TASOR2: variants seen among roughly 807,000 people sequenced by gnomAD.
TASOR2 encodes protein TASOR 2.
TASOR2 carries 84 observed loss-of-function variants against 199.5 expected under a neutral mutation model. The observed-to-expected ratio is 0.42, with a 90% confidence interval of 0.35 to 0.50. The LOEUF is 0.50. TASOR2 is among the 20% of genes least tolerant of loss of function. The pLI is 0.02. For missense variants in TASOR2, 2,796 were observed against 2,835.9 expected (o/e 0.99, Z 0.32); for synonymous variants, 1,103 against 1,046.6 (o/e 1.05, Z -1.04).
In TASOR2 at chr10:5,748,702, G is replaced by A; in HGVS notation, c.5281G>A (p.Ala1761Thr). ...TTGTGCTGGTCCCTACCAAAATACA[G>A]CAGACACCAAGGAAAACCTCAGTAA... Residue 1761 changes from alanine (A) to threonine (T), a missense_variant, in exon 15 of 21, where the codon GCA becomes ACA. Ala to Thr is a moderately conservative substitution (Grantham distance 58). This residue lies in a region of TASOR2 where 1,941 missense variants were observed against 1,924.9 expected (regional missense o/e 1.01). Transcript: ENST00000328090. The surrounding 1 kb of genome is among the most constrained non-coding windows in gnomAD (Gnocchi z 5.1). 6.2e-7 allele frequency: 1 copy of A among 1,614,194 alleles called. No homozygotes were observed. Among genetic ancestry groups the A allele is most frequent in the Non-Finnish European group, 8.5e-7 (1 of 1,180,032 alleles).
rs943975230 is a variant in TASOR2 at position 5,742,856 on chromosome 10, G to A, written c.2757+330G>A. ...TGACTTAATACCTATCAAGTCTTAT[G>A]TAGAATATTGTTTAAGGATCAAATA... On this transcript the variant is annotated intron_variant, in intron 14 of 20. Transcript: ENST00000328090. This position sits in a 1 kb window ranked among gnomAD's most constrained non-coding sequence, Gnocchi z 4.2. 5.3e-5 allele frequency among the ~76,000 whole-genome samples: 8 copies of A among 152,140 alleles called. No individual in the cohort carries two copies. The highest frequency in any genetic ancestry group is 1.0e-4 in the Non-Finnish European group (7 of 68,022).
At chr10:5,725,646 T>C (rs1833962680) in intron 8 of TASOR2, among the ~76,000 whole-genome samples, 1 of 152,030 alleles carries the variant, frequency 6.6e-6, no homozygotes, top group African/African-American at 2.4e-5. Context: ...CCAGGCATAA[T>C]GGCCTGCACC....
chr10:5,754,687 G>A lies in TASOR2; in HGVS notation c.6607-1926G>A, dbSNP rs115417415. Among the ~76,000 whole-genome samples the A allele has an allele frequency of 3.4e-3, 512 of 152,144 alleles. 3 individuals are homozygous for A. The highest frequency in any genetic ancestry group is 0.012 in the African/African-American group (484 of 41,502). ...GTATTGTTTCATAATATTTTATCAC[G>A]TGGTGTCACTGTTTACAACAGAAAA... On this transcript the variant is annotated intron_variant, in intron 15 of 20. Coordinates refer to ENST00000328090, the Ensembl canonical transcript of TASOR2. The surrounding 1 kb of genome is among the most constrained non-coding windows in gnomAD (Gnocchi z 4.3).
intron 14 of TASOR2, among the ~76,000 whole-genome samples, chr10:5,743,095 T>C (rs906771416): frequency 1.3e-5 from 2 of 152,226 alleles, no homozygotes; most frequent in Non-Finnish European, 2.9e-5. Context: ...ATAATCCAAA[T>C]TTTACCTGGA....
exon 21 of TASOR2, chr10:5,763,610 A>G (rs545008029): frequency 6.6e-6 from 1 of 152,320 alleles, no homozygotes; most frequent in East Asian, 1.9e-4. Flanking sequence ...TTTATTTATG[A>G]TATTGAAAAT....
chr10:5,686,844 A>G (rs1835869545), intron 1 of TASOR2, among the ~76,000 whole-genome samples: 1 of 152,194 alleles, frequency 6.6e-6, no homozygotes, highest in South Asian at 2.1e-4. Context: ...CCATGTAACT[A>G]TTACTGTAGC....
chr10:5,754,996 A>C lies in TASOR2; in HGVS notation c.6607-1617A>C, dbSNP rs1838696423. On this transcript the variant is annotated intron_variant, in intron 15 of 20. Coordinates refer to ENST00000328090, the Ensembl canonical transcript of TASOR2. The surrounding 1 kb of genome is among the most constrained non-coding windows in gnomAD (Gnocchi z 4.3). ...GGGAGGCAGAGCTTGCAGTGAGCCG[A>C]GATCGCGCCACTGCACTCCAGCCTG... Among the ~76,000 whole-genome samples, 3 of 148,604 alleles carry C rather than the reference A, an allele frequency of 2.0e-5. No individual in the cohort carries two copies. In the South Asian group the frequency reaches 6.6e-4, roughly 33 times the overall value.
At chr10:5,702,292 C>T (rs180882853) in intron 1 of TASOR2, among the ~76,000 whole-genome samples, 2 of 152,244 alleles carry the variant, frequency 1.3e-5, no homozygotes, top group Admixed American at 6.5e-5. Context: ...CCTTGCATCC[C>T]TGGGATGAAT....
Position 5,762,519 on chromosome 10 carries a change from T to TTTC in TASOR2, c.7175-11_7175-10insCTT. ...TATATTAACCAAAAGTTGTTTTTTT[T>TTTC]TTTTTTTAACAGACAAGCCTACTAT... On this transcript the variant is annotated splice_polypyrimidine_tract_variant and intron_variant, in intron 19 of 20. Coordinates refer to ENST00000328090, the Ensembl canonical transcript of TASOR2. 1 of 601,416 alleles carries TTTC rather than the reference T, an allele frequency of 1.7e-6. No homozygotes were observed. Among genetic ancestry groups the TTTC allele is most frequent in the Non-Finnish European group, 2.6e-6 (1 of 387,708 alleles). 37.3% of individuals were successfully genotyped at this position (601,416 alleles called of 1,614,324 possible).
At chr10:5,709,585 G>C in intron 1 of TASOR2, 2 of 1,230,738 alleles carry the variant, frequency 1.6e-6, no homozygotes, top group African/African-American at 1.6e-5. Flanking sequence ...GGGTATACTT[G>C]GTGAAAATGA....
At chr10:5,708,088 T>C (rs1477392724) in intron 1 of TASOR2, among the ~76,000 whole-genome samples, 1 of 152,232 alleles carries the variant, frequency 6.6e-6, no homozygotes, top group East Asian at 1.9e-4. Flanking sequence ...GCTGTAAAAC[T>C]ATACATGCTG....
rs1379447829 is a variant in TASOR2, at chr10:5,687,015, A to C, written c.-288+1840A>C. 1.3e-5 allele frequency among the ~76,000 whole-genome samples: 2 copies of C among 152,200 alleles called. No individual in the cohort carries two copies. Among genetic ancestry groups the C allele is most frequent in the African/African-American group, 2.4e-5 (1 of 41,442 alleles). On this transcript the variant is annotated intron_variant, in intron 1 of 20. Transcript: ENST00000328090. The surrounding 1 kb of genome is among the most constrained non-coding windows in gnomAD (Gnocchi z 4.8). ...TGTTTGTGATGGTGTTGAATATATA[A>C]TCTGAGAAGAGACATTTATTTGAGT...
intron 3 of TASOR2, among the ~76,000 whole-genome samples, 191 bp downstream of exon 4, chr10:5,717,941 T>C (rs1214239579): frequency 1.3e-5 from 2 of 152,210 alleles, no homozygotes; most frequent in Non-Finnish European, 2.9e-5. Flanking sequence ...GTAAACTTTT[T>C]TTTAACTTCA....
chr10:5,704,895 T>C (rs751577005), intron 1 of TASOR2, among the ~76,000 whole-genome samples: 1 of 152,216 alleles, frequency 6.6e-6, no homozygotes, highest in African/African-American at 2.4e-5. Flanking sequence ...TCATTTTACT[T>C]GATTTTGGTC....
At chr10:5,715,924 A>T (rs1405084024) in intron 2 of TASOR2, among the ~76,000 whole-genome samples, 2 of 152,126 alleles carry the variant, frequency 1.3e-5, no homozygotes, top group Non-Finnish European at 2.9e-5. Context: ...TACAGGTGTG[A>T]GCTACCCTGC....
intron 18 of TASOR2, among the ~76,000 whole-genome samples, chr10:5,759,635 C>T (rs770289088): frequency 7.9e-5 from 12 of 152,242 alleles, no homozygotes; most frequent in African/African-American, 1.2e-4. Context: ...CAAATCCTCA[C>T]TTTTATAATG....
intron 12 of TASOR2, among the ~76,000 whole-genome samples, chr10:5,736,248 GTC>G (rs1835562449): frequency 6.6e-6 from 1 of 152,004 alleles, no homozygotes; most frequent in Non-Finnish European, 1.5e-5. Flanking sequence ...GAGAAACCCT[GTC>G]TCTACTAAAA....
At chr10:5,721,622 AGAAGG>A (rs1164612232) in intron 6 of TASOR2, among the ~76,000 whole-genome samples, 11 of 152,170 alleles carry the variant, frequency 7.2e-5, no homozygotes, top group Non-Finnish European at 5.9e-5. Context: ...AAGCAAATAG[AGAAGG>A]GAAAGTTCTT....
intron 1 of TASOR2, among the ~76,000 whole-genome samples, chr10:5,691,189 CAA>C (rs369679242): frequency 1.3e-4 from 13 of 100,230 alleles, no homozygotes; most frequent in Admixed American, 3.0e-4. Flanking sequence ...GACTCCGTCT[CAA>C]AAAAAAAAAA....
Sources: gnomAD v4.1 joint callset for allele counts (sites outside exome capture counted in the v4.1 genomes callset) on GRCh38, gnomAD v4.1.1 for gene constraint, gnomAD v4.1.1 regional missense constraint, Gnocchi (gnomAD v3.1) non-coding constraint, MANE v1.5 for transcripts, NCBI Gene and HGNC (gene_info 2026-07-23, HGNC 2026-07-21) for gene names.